Variants in RTKN2 observed in about 807,000 individuals in gnomAD.
RTKN2 encodes rhotekin-2.
A neutral mutation model predicts 71.5 loss-of-function variants in RTKN2; 69 were observed. That is an observed-to-expected ratio of 0.96 (90% CI 0.79 to 1.18). The LOEUF (loss-of-function observed/expected upper bound fraction) is 1.18. Among genes scored for constraint, RTKN2 ranks in the 50% most tolerant of loss-of-function variants. The probability of loss-of-function intolerance (pLI) is 0.00; values close to 1 mark genes in which losing one functional copy is unlikely to be tolerated. For synonymous variants in RTKN2, 236 were observed against 236.5 expected (o/e 1.00, Z 0.02); for missense variants, 724 against 719.7 (o/e 1.01, Z -0.07).
chr10:62,207,681 C>A (rs1589339556), intron 9 of RTKN2, among the ~76,000 whole-genome samples: 1 of 151,968 alleles, frequency 6.6e-6, no homozygotes. Context: ...TTCCCTGCCT[C>A]CCCCCCATAT....
intron 9 of RTKN2, among the ~76,000 whole-genome samples, chr10:62,214,373 A>C: frequency 6.6e-6 from 1 of 152,110 alleles, no homozygotes; most frequent in East Asian, 1.9e-4. Context: ...CAAATTACTA[A>C]ATTAATAATT....
At position 62,194,904 on chromosome 10, in the gene RTKN2, A is replaced by G. The variant is rs1841291260; in HGVS notation, c.*3004T>C. ...TAGTTTTCCACATATATTCACATCCATTTAAAAGAAGTCAGGGGGCACTGC... is the reference window on the plus strand; with the variant it reads ...TAGTTTTCCACATATATTCACATCCGTTTAAAAGAAGTCAGGGGGCACTGC... On this transcript the variant is annotated 3_prime_UTR_variant, in exon 12 of 12. Transcript: ENST00000373789. 1 of 985,204 alleles carries G rather than the reference A, an allele frequency of 1.0e-6. No individual in the cohort carries two copies. Among genetic ancestry groups the G allele is most frequent in the African/African-American group, 1.7e-5 (1 of 57,232 alleles). 61.0% of individuals were successfully genotyped at this position (985,204 alleles called of 1,614,324 possible).
Position 62,195,434 on chromosome 10 carries a change from TTAAC to T in RTKN2, c.*2470_*2473del. On this transcript the variant is annotated 3_prime_UTR_variant, in exon 12 of 12. Transcript: ENST00000373789. ...TTTGAAACACTCTTTGACACAGTGC[TTAAC>T]TATTTTTAGATTTTTTTTTTAAACT... is the stretch of plus-strand genomic sequence containing the variant. The T allele has an allele frequency of 4.1e-6, 4 of 981,928 alleles. No individual in the cohort carries two copies. Among genetic ancestry groups the T allele is most frequent in the Non-Finnish European group, 4.8e-6 (4 of 826,890 alleles). 60.8% of individuals were successfully genotyped at this position (981,928 alleles called of 1,614,324 possible).
chr10:62,256,919 C>T (rs553597024), intron 2 of RTKN2, among the ~76,000 whole-genome samples: 1 of 151,160 alleles, frequency 6.6e-6, no homozygotes, highest in Non-Finnish European at 1.5e-5. Flanking sequence ...CTTAGACCAA[C>T]AAATGACAGT....
At chr10:62,248,158 G>A (rs1209156077) in intron 2 of RTKN2, among the ~76,000 whole-genome samples, 1 of 152,046 alleles carries the variant, frequency 6.6e-6, no homozygotes, top group African/African-American at 2.4e-5. Context: ...TCCAGGACTG[G>A]TAAGCAAACT....
At chr10:62,228,434 C>A (rs377063205) in intron 6 of RTKN2, among the ~76,000 whole-genome samples, 2 of 152,062 alleles carry the variant, frequency 1.3e-5, no homozygotes, top group Admixed American at 1.3e-4. Context: ...TTGACCTTGA[C>A]GAGACTAGTT....
rs374108073 is a variant in RTKN2, at chr10:62,234,575, T to C, written c.686+1491A>G. 1.2e-4 allele frequency among the ~76,000 whole-genome samples: 18 copies of C among 151,858 alleles called. No homozygotes were observed. In the East Asian group the frequency reaches 2.3e-3, roughly 20 times the overall value. ...AAAACAACACTGATCACCTCCATGA[T>C]TGCTAGGGTTTCAACTTAATATTCT... On this transcript the variant is annotated intron_variant, in intron 6 of 11. Coordinates refer to ENST00000373789, the MANE Select transcript of RTKN2 (RefSeq NM_145307.4).
chr10:62,208,953 T>G (rs929921797), intron 9 of RTKN2, among the ~76,000 whole-genome samples: 9 of 152,022 alleles, frequency 5.9e-5, no homozygotes, highest in Non-Finnish European at 1.5e-5. Flanking sequence ...AACCAACAAA[T>G]CTGAATATGA....
rs74332745 is a variant in RTKN2 at position 62,184,671 on chromosome 10, T to C, written c.862-284A>G. Reference sequence around the variant, plus strand: ...CATGGCTTCCGCCTACAGAAAGAGGTTGAAGTAGATTACCTCTGAGGAGCC... The same window carrying C: ...CATGGCTTCCGCCTACAGAAAGAGGCTGAAGTAGATTACCTCTGAGGAGCC... On this transcript the variant is annotated intron_variant, in intron 8 of 8. Coordinates refer to the RTKN2 transcript ENST00000315289. Among the ~76,000 whole-genome samples, 67 of 152,278 alleles carry C rather than the reference T, an allele frequency of 4.4e-4. No individual in the cohort carries two copies. The East Asian group carries it at 0.012, about 28-fold the overall frequency.
chr10:62,197,471 A>G lies in RTKN2; in HGVS notation c.*437T>C. 2 of 986,166 alleles carry G rather than the reference A, an allele frequency of 2.0e-6. No individual in the cohort carries two copies. Among genetic ancestry groups the G allele is most frequent in the Non-Finnish European group, 2.4e-6 (2 of 829,974 alleles). 61.1% of individuals were successfully genotyped at this position (986,166 alleles called of 1,614,324 possible). On this transcript the variant is annotated 3_prime_UTR_variant, in exon 12 of 12. Coordinates refer to ENST00000373789, the MANE Select transcript of RTKN2 (RefSeq NM_145307.4). ...AAGAAAATTTTCTTGGGTGGATTCT[A>G]TAATTTGTGGTTTGAATAAAACCTT...
chr10:62,207,700 C>T (rs370402200), intron 9 of RTKN2, among the ~76,000 whole-genome samples: 3 of 152,002 alleles, frequency 2.0e-5, no homozygotes, highest in East Asian at 3.9e-4. Context: ...ATTTCTGCCA[C>T]CTAAAATATT....
chr10:62,252,794 C>T (rs187050658), intron 2 of RTKN2, among the ~76,000 whole-genome samples: 22 of 152,006 alleles, frequency 1.4e-4, no homozygotes, highest in African/African-American at 1.9e-4. Context: ...TTAGTTGGCT[C>T]GTGGAGCTAA....
At chr10:62,264,528 ACC>A (rs1292956749) in intron 1 of RTKN2, among the ~76,000 whole-genome samples, 1 of 152,194 alleles carries the variant, frequency 6.6e-6, no homozygotes, top group Non-Finnish European at 1.5e-5. Context: ...TATCTATGTG[ACC>A]CATATGTCTA....
chr10:62,209,386 G>GGT (rs67801429), intron 9 of RTKN2, among the ~76,000 whole-genome samples: 28 of 151,060 alleles, frequency 1.9e-4, no homozygotes, highest in Non-Finnish European at 2.5e-4. Context: ...AATTGTCTAT[G>GGT]GTGTGTGTGT....
At chr10:62,243,333 T>C (rs572085914) in intron 3 of RTKN2, among the ~76,000 whole-genome samples, 1 of 152,218 alleles carries the variant, frequency 6.6e-6, no homozygotes, top group Non-Finnish European at 1.5e-5. Context: ...TTTATGAGAA[T>C]GCTTTATTGT....
chr10:62,197,750 A>C lies in RTKN2; in HGVS notation c.*158T>G. Reference sequence around the variant, plus strand: ...CAAATCAGGAGTAAAAGAGAAATCCACTTCTTCATTATAAAATGTTTTTCT... The same window carrying C: ...CAAATCAGGAGTAAAAGAGAAATCCCCTTCTTCATTATAAAATGTTTTTCT... On this transcript the variant is annotated 3_prime_UTR_variant, in exon 12 of 12. Coordinates refer to ENST00000373789, the MANE Select transcript of RTKN2 (RefSeq NM_145307.4). 1 of 1,416,258 alleles carries C rather than the reference A, an allele frequency of 7.1e-7. No individual in the cohort carries two copies. The highest frequency in any genetic ancestry group is 9.2e-7 in the Non-Finnish European group (1 of 1,091,580). 87.7% of individuals were successfully genotyped at this position (1,416,258 alleles called of 1,614,324 possible). A position where few individuals can be genotyped will look rare whatever the true frequency, so the allele number is the denominator to read the frequency against.
Position 62,199,718 on chromosome 10 carries a change from T to C in RTKN2, c.1294+36A>G, listed in dbSNP as rs1589331989. ...TTCAGTATGGACAATGTTGTTTTTG[T>C]TATCCTGCAGCTTAGAAAAGACAAA... is the stretch of plus-strand genomic sequence containing the variant. On this transcript the variant is annotated intron_variant, in intron 11 of 11. Coordinates refer to ENST00000373789, the MANE Select transcript of RTKN2 (RefSeq NM_145307.4). 3 of 1,295,230 alleles carry C rather than the reference T, an allele frequency of 2.3e-6. No homozygotes were observed. In the East Asian group the frequency reaches 6.9e-5, roughly 30 times the overall value. 80.2% of individuals were successfully genotyped at this position (1,295,230 alleles called of 1,614,324 possible).
chr10:62,203,246 A>C (rs2132820394), intron 10 of RTKN2, among the ~76,000 whole-genome samples: 1 of 152,358 alleles, frequency 6.6e-6, no homozygotes, highest in Non-Finnish European at 1.5e-5. Flanking sequence ...GGATTCTCTA[A>C]GACAGAACAT....
At chr10:62,187,233 C>T (rs1223549460) in intron 8 of RTKN2, among the ~76,000 whole-genome samples, 2 of 150,352 alleles carry the variant, frequency 1.3e-5, no homozygotes, top group Non-Finnish European at 2.9e-5. Context: ...CAGCTTTGTT[C>T]TTGTAAGTGA....
Sources: allele counts gnomAD v4.1 joint callset (sites outside exome capture counted in the v4.1 genomes callset), GRCh38; gene constraint gnomAD v4.1.1; transcripts MANE v1.5; gene names NCBI Gene and HGNC (gene_info 2026-07-23, HGNC 2026-07-21).